The following ARHGAP39 variants were observed in gnomAD, a reference collection of about 807,000 sequenced individuals.
ARHGAP39 encodes rho GTPase-activating protein 39.
Under a neutral mutation model 106.9 loss-of-function variants are expected in ARHGAP39, and 44 were observed. The observed-to-expected ratio is 0.41, with a 90% CI of 0.32 to 0.53. The LOEUF (loss-of-function observed/expected upper bound fraction) is 0.53, where lower values mean the gene tolerates loss of function less well. ARHGAP39 is among the 20% of genes least tolerant of loss of function. ARHGAP39 has a pLI of 0.21. For missense variants in ARHGAP39, 1,496 were observed against 1,577.3 expected (o/e 0.95, Z 0.87); for synonymous variants, 768 against 693.2 (o/e 1.11, Z -1.69).
At position 144,679,987 on chromosome 8, in the gene ARHGAP39, A is replaced by C. The variant is rs969801640; in HGVS notation, c.-82+5699T>G. On this transcript the variant is annotated intron_variant, in intron 1 of 11. Transcript: ENST00000377307. This position sits in a 1 kb window ranked among gnomAD's most constrained non-coding sequence, Gnocchi z 4.7. ...AGAGCAAGACTCCATCTCAAAAACAAAAAGAAAATTAAAATCTAAAGCCTT... is the reference window on the plus strand; with the variant it reads ...AGAGCAAGACTCCATCTCAAAAACACAAAGAAAATTAAAATCTAAAGCCTT... Among the ~76,000 whole-genome samples the C allele has an allele frequency of 2.0e-5, 3 of 152,224 alleles. No individual in the cohort carries two copies. The highest frequency in any genetic ancestry group is 7.2e-5 in the African/African-American group (3 of 41,464).
At chr8:144,580,239 C>G (rs971187439) in intron 3 of ARHGAP39, among the ~76,000 whole-genome samples, 2 of 139,060 alleles carry the variant, frequency 1.4e-5, no homozygotes, top group African/African-American at 5.4e-5. Flanking sequence ...CTGCTCAGAC[C>G]CCTCAGCTGT....
chr8:144,537,698 G>T, intron 7 of ARHGAP39, 23 bp downstream of exon 7: 1 of 1,601,612 alleles, frequency 6.2e-7, no homozygotes, highest in Non-Finnish European at 8.5e-7. Context: ...GCCGCGCCCA[G>T]GGGCTGCGGG....
At chr8:144,688,956 C>T (rs58698200), upstream of ARHGAP39, among the ~76,000 whole-genome samples, 6,009 of 152,148 alleles carry the variant, frequency 0.039, 405 homozygotes, top group African/African-American at 0.13. Context: ...TGAAGGGGGA[C>T]GGACCCTGCC....
chr8:144,601,174 G>C (rs573928602), intron 2 of ARHGAP39, among the ~76,000 whole-genome samples: 1 of 146,032 alleles, frequency 6.8e-6, no homozygotes, highest in Non-Finnish European at 1.5e-5. Flanking sequence ...GCATGGAGGC[G>C]TGCGTGCAAG....
chr8:144,571,287 T>A (rs928071114), intron 3 of ARHGAP39, among the ~76,000 whole-genome samples: 2 of 152,142 alleles, frequency 1.3e-5, no homozygotes, highest in African/African-American at 4.8e-5. Flanking sequence ...TCCACCACGA[T>A]CAAGTCAGCT....
At position 144,548,561 on chromosome 8, in the gene ARHGAP39, G is replaced by A. The variant is rs1352037227; in HGVS notation, c.597-72C>T. 68 of 1,523,640 alleles carry A rather than the reference G, an allele frequency of 4.5e-5. No homozygotes were observed. Among genetic ancestry groups the A allele is most frequent in the Non-Finnish European group, 5.8e-5 (66 of 1,138,970 alleles). The allele number at this position is 1,523,640 out of a possible 1,614,324, so 94.4% of individuals were successfully genotyped here. On this transcript the variant is annotated intron_variant, in intron 4 of 11. Transcript: ENST00000377307. This position sits in a 1 kb window ranked among gnomAD's most constrained non-coding sequence, Gnocchi z 7.4. ...CTGGGCACGCCCCACCCCCTCGGGG[G>A]CTGTAGGCAGCGGCTCCCGCGAACC...
chr8:144,628,738 G>A (rs1820987184), intron 1 of ARHGAP39, among the ~76,000 whole-genome samples: 1 of 152,118 alleles, frequency 6.6e-6, no homozygotes, highest in South Asian at 2.1e-4. Flanking sequence ...ACTACCCCAG[G>A]CTGCTGAATT....
At chr8:144,567,582 A>G (rs140992080) in intron 3 of ARHGAP39, among the ~76,000 whole-genome samples, 3,632 of 150,230 alleles carry the variant, frequency 0.024, 89 homozygotes, top group Admixed American at 0.069. Context: ...GCAGTTATCC[A>G]GAGGCCTAAC....
chr8:144,539,365 T>G (rs1817099446), intron 6 of ARHGAP39, among the ~76,000 whole-genome samples: 1 of 152,232 alleles, frequency 6.6e-6, no homozygotes, highest in East Asian at 1.9e-4. Flanking sequence ...GACTGGTGTA[T>G]CTTCTCATTC....
In ARHGAP39 at chr8:144,547,481, G is replaced by A. The variant is rs558345876; in HGVS notation, c.1605C>T (p.Pro535=). The A allele has an allele frequency of 2.1e-5, 33 of 1,535,594 alleles. No homozygotes were observed. In the African/African-American group the frequency reaches 3.9e-4, roughly 18 times the overall value. ...EQPPCGTSLA[P]VKRAEGEAEG... ...CGGCCTCACCTTCCGCTCGCTTCAC[G>A]GGGGCGAGGCTGGTCCCGCACGGGG... The change falls in exon 5 of 12, where the codon CCC becomes CCT. Residue 535 remains proline, a synonymous_variant. Coordinates refer to ENST00000377307, the MANE Select transcript of ARHGAP39 (RefSeq NM_025251.3). This position sits in a 1 kb window ranked among gnomAD's most constrained non-coding sequence, Gnocchi z 5.2.
intron 1 of ARHGAP39, among the ~76,000 whole-genome samples, chr8:144,662,976 C>T (rs1259412700): frequency 2.0e-5 from 3 of 150,878 alleles, no homozygotes; most frequent in Non-Finnish European, 4.4e-5. Flanking sequence ...CTCCCTTCTC[C>T]CCATTATTCA....
intron 7 of ARHGAP39, among the ~76,000 whole-genome samples, chr8:144,536,991 C>G (rs1299686098): frequency 6.6e-6 from 1 of 152,242 alleles, no homozygotes; most frequent in Non-Finnish European, 1.5e-5. Context: ...GAGGCACTAA[C>G]TGGCAGGACC....
chr8:144,547,495 T>C lies in ARHGAP39; in HGVS notation c.1591A>G (p.Thr531Ala). Reference sequence around the variant, plus strand: ...GCTCGCTTCACGGGGGCGAGGCTGGTCCCGCACGGGGGCTGTTCCTCGGCC... The same window carrying C: ...GCTCGCTTCACGGGGGCGAGGCTGGCCCCGCACGGGGGCTGTTCCTCGGCC... Reference protein sequence around the residue: ...PLAEEQPPCGTSLAPVKRAEG... With the variant: ...PLAEEQPPCGASLAPVKRAEG... Residue 531 changes from threonine to alanine, a missense_variant, in exon 5 of 12, where the codon ACC becomes GCC. Thr to Ala is a moderately conservative substitution (Grantham distance 58). Around this residue, in one of 4 missense-constraint regions of ARHGAP39, gnomAD observed 905 missense variants for 816.4 expected, o/e 1.11. Coordinates refer to ENST00000377307, the MANE Select transcript of ARHGAP39 (RefSeq NM_025251.3). The surrounding 1 kb of genome is among the most constrained non-coding windows in gnomAD (Gnocchi z 5.2). 6.6e-7 allele frequency: 1 copy of C among 1,513,216 alleles called. No homozygotes were observed. Among genetic ancestry groups the C allele is most frequent in the South Asian group, 1.3e-5 (1 of 79,068 alleles). The allele number at this position is 1,513,216 out of a possible 1,614,324, so 93.7% of individuals were successfully genotyped here.
chr8:144,660,408 G>A (rs11784421), intron 1 of ARHGAP39, among the ~76,000 whole-genome samples: 10,965 of 152,220 alleles, frequency 0.072, 559 homozygotes, highest in East Asian at 0.21. Flanking sequence ...CACTTTCATC[G>A]TGATAAGCAT....
chr8:144,686,848 AGGCTGACTGCCTTCAC>A (rs1312191058), upstream of ARHGAP39, among the ~76,000 whole-genome samples: 2 of 152,222 alleles, frequency 1.3e-5, no homozygotes, highest in African/African-American at 4.8e-5. Context: ...TCACACATCC[AGGCTGACTGCCTTCAC>A]CTTAAACTTG....
In ARHGAP39 at chr8:144,533,033, G is replaced by A. The variant is rs1586870370; in HGVS notation, c.2888+93C>T. The A allele has an allele frequency of 4.1e-6, 6 of 1,456,702 alleles. No individual in the cohort carries two copies. In the East Asian group the frequency reaches 1.4e-4, roughly 33 times the overall value. 90.2% of individuals were successfully genotyped at this position (1,456,702 alleles called of 1,614,324 possible). ...GGTATGGGTGCGGAAGCAGCCCAGT[G>A]GGCCTGAGGCTTAATGGCCCCTGCA... On this transcript the variant is annotated intron_variant, in intron 9 of 11. Coordinates refer to ENST00000377307, the MANE Select transcript of ARHGAP39 (RefSeq NM_025251.3).
chr8:144,569,355 T>G (rs1482082320), intron 3 of ARHGAP39, among the ~76,000 whole-genome samples: 1 of 152,208 alleles, frequency 6.6e-6, no homozygotes, highest in Non-Finnish European at 1.5e-5. Context: ...TACATGAATG[T>G]TCATAGCAGT....
At position 144,530,399 on chromosome 8, in the gene ARHGAP39, C is replaced by T; in HGVS notation, c.*23G>A. 2 of 1,571,682 alleles carry T rather than the reference C, an allele frequency of 1.3e-6. No homozygotes were observed. Among genetic ancestry groups the T allele is most frequent in the Non-Finnish European group, 1.7e-6 (2 of 1,155,198 alleles). ...GCCTGGCTGGGGGCGGCAGGACATCCCTCCTGTCCCCGGGCGCCCCCGCTA... is the reference window on the plus strand; with the variant it reads ...GCCTGGCTGGGGGCGGCAGGACATCTCTCCTGTCCCCGGGCGCCCCCGCTA... On this transcript the variant is annotated 3_prime_UTR_variant, in exon 12 of 12. Transcript: ENST00000377307.
At chr8:144,601,457 T>A (rs566847029) in intron 2 of ARHGAP39, among the ~76,000 whole-genome samples, 7 of 146,764 alleles carry the variant, frequency 4.8e-5, no homozygotes, top group Admixed American at 3.4e-4. Context: ...TGTGTGCATG[T>A]GCGTGGAGGT....
Sources: allele counts gnomAD v4.1 joint callset (sites outside exome capture counted in the v4.1 genomes callset), GRCh38; gene constraint gnomAD v4.1.1; regional missense constraint gnomAD v4.1.1; non-coding constraint Gnocchi (gnomAD v3.1); transcripts MANE v1.5; gene names NCBI Gene and HGNC (gene_info 2026-07-23, HGNC 2026-07-21).